The following PPIL6 variants were observed in gnomAD, a reference collection of about 807,000 sequenced individuals.
PPIL6 encodes peptidylprolyl isomerase like 6.
A neutral mutation model predicts 36.8 loss-of-function variants in PPIL6; 39 were observed. That is an observed-to-expected ratio of 1.06 (90% CI 0.82 to 1.38). PPIL6 has a LOEUF of 1.38. Ranked by LOEUF, PPIL6 falls within the 40% of genes most tolerant of loss-of-function variation. The pLI, the probability that PPIL6 is intolerant of heterozygous loss-of-function variation, is 0.00. For synonymous variants in PPIL6, 123 were observed against 134.1 expected (o/e 0.92, Z 0.57); for missense variants, 368 against 379.1 (o/e 0.97, Z 0.24).
At chr6:109,401,621 G>A (rs912958990) in intron 6 of PPIL6, among the ~76,000 whole-genome samples, 5 of 151,964 alleles carry the variant, frequency 3.3e-5, no homozygotes, top group African/African-American at 7.3e-5. Flanking sequence ...ATATAATTAC[G>A]CTGATGCTCC....
intron 7 of PPIL6, among the ~76,000 whole-genome samples, chr6:109,398,811 G>A (rs1444104610): frequency 6.6e-6 from 1 of 152,174 alleles, no homozygotes; most frequent in African/African-American, 2.4e-5. Context: ...ATTAAGCACT[G>A]TGGTATGATT....
intron 1 of PPIL6, among the ~76,000 whole-genome samples, chr6:109,439,640 T>G (rs1774681979): frequency 6.6e-6 from 1 of 152,194 alleles, no homozygotes; most frequent in South Asian, 2.1e-4. Flanking sequence ...CCAAGATATC[T>G]TCTATTTGGG....
intron 3 of PPIL6, among the ~76,000 whole-genome samples, chr6:109,429,981 G>C (rs1336807993): frequency 5.9e-5 from 9 of 152,042 alleles, no homozygotes; most frequent in Admixed American, 2.6e-4. Flanking sequence ...CCATTCCCAG[G>C]GCATGTACAG....
chr6:109,418,750 C>T (rs924781120), intron 6 of PPIL6, among the ~76,000 whole-genome samples: 2 of 152,012 alleles, frequency 1.3e-5, no homozygotes. Flanking sequence ...CCATATTAGC[C>T]AGGCTGATCT....
Position 109,390,763 on chromosome 6 carries a change from T to C in PPIL6, c.*2063A>G, listed in dbSNP as rs547764600. ...CCAATGTCAGCTGCCTGGTTTGATATTGTACTACCGTTTTGTAAGCGTAGC... is the reference window on the plus strand; with the variant it reads ...CCAATGTCAGCTGCCTGGTTTGATACTGTACTACCGTTTTGTAAGCGTAGC... On this transcript the variant is annotated 3_prime_UTR_variant, in exon 8 of 8. Transcript: ENST00000521072. 3.9e-5 allele frequency: 6 copies of C among 152,346 alleles called. No individual in the cohort carries two copies. In the South Asian group the frequency reaches 1.2e-3, roughly 32 times the overall value. The allele number at this position is 152,346 out of a possible 1,614,324, so 9.4% of individuals were successfully genotyped here. A position where few individuals can be genotyped will look rare whatever the true frequency, so the allele number is the denominator to read the frequency against.
intron 6 of PPIL6, among the ~76,000 whole-genome samples, chr6:109,416,863 C>T (rs1031997140): frequency 2.6e-5 from 4 of 152,028 alleles, no homozygotes; most frequent in African/African-American, 9.7e-5. Context: ...ATTTTCAATA[C>T]AAGACAAAAA....
intron 7 of PPIL6, among the ~76,000 whole-genome samples, chr6:109,393,816 TTCAGACC>T (rs960841982): frequency 1.3e-5 from 2 of 152,212 alleles, no homozygotes; most frequent in African/African-American, 4.8e-5. Context: ...CTGGTCTTCC[TTCAGACC>T]TCAGCCCAGT....
At chr6:109,423,701 T>C (rs1047210088) in intron 5 of PPIL6, among the ~76,000 whole-genome samples, 1 of 152,192 alleles carries the variant, frequency 6.6e-6, no homozygotes, top group Non-Finnish European at 1.5e-5. Context: ...TTCATTTTCT[T>C]TGATTAACAA....
intron 7 of PPIL6, among the ~76,000 whole-genome samples, chr6:109,397,719 A>G (rs180835342): frequency 2.2e-3 from 338 of 152,240 alleles, no homozygotes; most frequent in Admixed American, 3.5e-3. Flanking sequence ...TGGAGGCACT[A>G]AATGTTTTAA....
In PPIL6 at chr6:109,392,693, G is replaced by T. The variant is rs75527655; in HGVS notation, c.*133C>A. The T allele has an allele frequency of 0.075, 45,120 of 599,452 alleles. 2,022 individuals are homozygous for T. The highest frequency in any genetic ancestry group is 0.14 in the South Asian group (6,669 of 48,078). The allele number at this position is 599,452 out of a possible 1,614,324, so 37.1% of individuals were successfully genotyped here. A position where few individuals can be genotyped will look rare whatever the true frequency, so the allele number is the denominator to read the frequency against. The stretch of plus-strand genomic sequence containing the variant: ...GGAAAGGAAGATGGGGAGGGATTGG[G>T]TGTAGATGAGGCAACCTACAGTGTC... On this transcript the variant is annotated 3_prime_UTR_variant, in exon 8 of 8. Coordinates refer to ENST00000521072, the MANE Select transcript of PPIL6 (RefSeq NM_173672.5).
chr6:109,417,170 T>G (rs918453686), intron 6 of PPIL6, among the ~76,000 whole-genome samples: 9 of 148,258 alleles, frequency 6.1e-5, no homozygotes, highest in African/African-American at 2.2e-4. Context: ...ATCCTGTCTC[T>G]TAAAAAAAAA....
Position 109,440,497 on chromosome 6 carries a change from A to T in PPIL6, c.94T>A (p.Phe32Ile). 1 of 1,538,844 alleles carries T rather than the reference A, an allele frequency of 6.5e-7. No homozygotes were observed. Among genetic ancestry groups the T allele is most frequent in the Non-Finnish European group, 8.8e-7 (1 of 1,142,168 alleles). ...GCAATCTGAAAGTTGGGGCAGCTGAAGAGCCCCACCACCTTCACCTGCAGC... is the reference window on the plus strand; with the variant it reads ...GCAATCTGAAAGTTGGGGCAGCTGATGAGCCCCACCACCTTCACCTGCAGC... ...RPLQVKVVGL[F>I]SCPNFQIAKS... is the part of the protein sequence containing the mutation. Residue 32 changes from phenylalanine to isoleucine, a missense_variant, in exon 1 of 8, where the codon TTC becomes ATC. Coordinates refer to ENST00000521072, the MANE Select transcript of PPIL6 (RefSeq NM_173672.5).
At chr6:109,414,477 C>CTTTTTTTTTTTT (rs146541023) in intron 6 of PPIL6, among the ~76,000 whole-genome samples, 5 of 86,512 alleles carry the variant, frequency 5.8e-5, no homozygotes, top group Non-Finnish European at 1.0e-4. Flanking sequence ...TGTCTTTTAG[C>CTTTTTTTTTTTT]TTTTTTTTTT....
intron 6 of PPIL6, among the ~76,000 whole-genome samples, chr6:109,409,299 C>T (rs1045973704): frequency 3.9e-5 from 6 of 152,120 alleles, no homozygotes; most frequent in Admixed American, 2.6e-4. Flanking sequence ...CGGTGGCTCA[C>T]GCCTGTAATC....
chr6:109,408,921 A>C (rs1014530146), intron 6 of PPIL6, among the ~76,000 whole-genome samples: 2 of 152,230 alleles, frequency 1.3e-5, no homozygotes, highest in South Asian at 4.1e-4. Flanking sequence ...CATCATAAAA[A>C]GAAAACTACA....
chr6:109,427,234 C>A lies in PPIL6; in HGVS notation c.421-78G>T, dbSNP rs1013247406. On this transcript the variant is annotated intron_variant, in intron 3 of 7. Coordinates refer to ENST00000521072, the MANE Select transcript of PPIL6 (RefSeq NM_173672.5). The stretch of plus-strand genomic sequence containing the variant: ...TTTTCAGAAATGACCAAAAATACAG[C>A]AGATACAATATTTTTAGTGAAAAGA... The A allele has an allele frequency of 2.6e-4, 227 of 880,490 alleles. 1 individual carries two copies. The highest frequency in any genetic ancestry group is 6.7e-5 in the Non-Finnish European group (37 of 551,638). 54.5% of individuals were successfully genotyped at this position (880,490 alleles called of 1,614,324 possible).
chr6:109,434,775 C>CT (rs1307565354), intron 2 of PPIL6, among the ~76,000 whole-genome samples: 1 of 152,132 alleles, frequency 6.6e-6, no homozygotes, highest in African/African-American at 2.4e-5. Flanking sequence ...CTGGGACCAT[C>CT]TACAAGACTA....
At chr6:109,432,490 G>A (rs2115281726) in intron 2 of PPIL6, among the ~76,000 whole-genome samples, 1 of 152,232 alleles carries the variant, frequency 6.6e-6, no homozygotes, top group South Asian at 2.1e-4. Flanking sequence ...GAACAGCCAT[G>A]CTCAAACTTT....
chr6:109,396,637 A>G (rs1455730485), intron 7 of PPIL6, among the ~76,000 whole-genome samples: 1 of 152,016 alleles, frequency 6.6e-6, no homozygotes, highest in Non-Finnish European at 1.5e-5. Context: ...GAAACTTTCC[A>G]TGACCCCCTC....
Sources: gnomAD v4.1 joint callset for allele counts (sites outside exome capture counted in the v4.1 genomes callset) on GRCh38, gnomAD v4.1.1 for gene constraint, MANE v1.5 for transcripts, NCBI Gene and HGNC (gene_info 2026-07-23, HGNC 2026-07-21) for gene names.